The following NRCAM variants were observed in gnomAD, a reference collection of about 807,000 sequenced individuals.
The protein encoded by NRCAM is NgCAM-related cell adhesion molecule.
NRCAM carries 83 observed loss-of-function variants against 156.5 expected under a neutral mutation model. The observed-to-expected ratio is 0.53, with a 90% CI of 0.44 to 0.64. NRCAM has a LOEUF of 0.64. NRCAM is among the 30% of genes least tolerant of loss of function. NRCAM has a pLI of 0.00. For synonymous variants in NRCAM, 538 were observed against 563.9 expected (o/e 0.95, Z 0.65); for missense variants, 1,417 against 1,597.3 (o/e 0.89, Z 1.92).
chr7:108,160,448 T>C lies in NRCAM; in HGVS notation c.3511A>G (p.Ile1171Val). Residue 1171 changes from isoleucine (I) to valine (V), a missense_variant, in exon 31 of 33, where the codon ATT (isoleucine) becomes GTT (valine). Ile to Val is a conservative substitution (Grantham distance 29). Coordinates refer to ENST00000379028, the MANE Select transcript of NRCAM (RefSeq NM_001037132.4). ...QVDIATQGWF[I>V]GLMCAVALLI... is the part of the protein sequence containing the mutation. ...AGAGCAACAGCACACATCAGACCAA[T>C]GAACCAGCCCTGAGTTGCAATATCC... 2 of 1,613,742 alleles carry C rather than the reference T, an allele frequency of 1.2e-6. No homozygotes were observed. Among genetic ancestry groups the C allele is most frequent in the Non-Finnish European group, 1.7e-6 (2 of 1,179,754 alleles).
At chr7:108,254,310 A>C (rs2096524109) in intron 3 of NRCAM, among the ~76,000 whole-genome samples, 1 of 152,232 alleles carries the variant, frequency 6.6e-6, no homozygotes, top group Admixed American at 6.5e-5. Flanking sequence ...ATTTCATTAG[A>C]GATTTCTCCA....
At chr7:108,353,509 C>T (rs147996439) in intron 2 of NRCAM, among the ~76,000 whole-genome samples, 128 of 151,924 alleles carry the variant, frequency 8.4e-4, no homozygotes, top group African/African-American at 2.9e-3. Context: ...TTTAGAGAGA[C>T]GGGCTCTCAT....
chr7:108,191,643 A>G, intron 18 of NRCAM, 86 bp downstream of exon 18: 1 of 1,430,536 alleles, frequency 7.0e-7, no homozygotes, highest in Non-Finnish European at 9.3e-7. Context: ...ACAAGCAAAT[A>G]TTTGATATTT....
chr7:108,298,028 TC>T (rs2098485701), intron 3 of NRCAM, among the ~76,000 whole-genome samples: 1 of 151,914 alleles, frequency 6.6e-6, no homozygotes, highest in South Asian at 2.1e-4. Flanking sequence ...TGCAGCAGAG[TC>T]AGGACAGGGC....
Position 108,151,657 on chromosome 7 carries a change from T to C in NRCAM, c.3678-1510A>G, listed in dbSNP as rs549988215. 3.9e-5 allele frequency among the ~76,000 whole-genome samples: 6 copies of C among 152,340 alleles called. No individual in the cohort carries two copies. The South Asian group carries it at 1.2e-3, about 32-fold the overall frequency. ...ATTTTCACCACTGCTAATAAACAACTGGAGAGGTATCATCTTGGGGTGGTC... is the reference window on the plus strand; with the variant it reads ...ATTTTCACCACTGCTAATAAACAACCGGAGAGGTATCATCTTGGGGTGGTC... On this transcript the variant is annotated intron_variant, in intron 32 of 32. Coordinates refer to ENST00000379028, the MANE Select transcript of NRCAM (RefSeq NM_001037132.4).
At chr7:108,240,412 C>T (rs1366976753) in intron 3 of NRCAM, among the ~76,000 whole-genome samples, 3 of 152,062 alleles carry the variant, frequency 2.0e-5, no homozygotes, top group South Asian at 4.1e-4. Flanking sequence ...ATGATTTTTC[C>T]ATTTTAAATG....
At chr7:108,349,160 G>A (rs898757948) in intron 2 of NRCAM, among the ~76,000 whole-genome samples, 1 of 152,162 alleles carries the variant, frequency 6.6e-6, no homozygotes, top group African/African-American at 2.4e-5. Flanking sequence ...GGTTTGCCAA[G>A]TTTTAGGTTG....
intron 1 of NRCAM, among the ~76,000 whole-genome samples, chr7:108,411,099 T>C (rs1794837074): frequency 6.6e-6 from 1 of 152,222 alleles, no homozygotes; most frequent in Admixed American, 6.5e-5. Context: ...GAAAGGCCTT[T>C]TTTAATCAGT....
At chr7:108,358,686 C>T (rs1485504136) in intron 2 of NRCAM, among the ~76,000 whole-genome samples, 1 of 152,144 alleles carries the variant, frequency 6.6e-6, no homozygotes, top group Non-Finnish European at 1.5e-5. Context: ...TGCTTCAGCC[C>T]CAGCGTATGC....
intron 3 of NRCAM, among the ~76,000 whole-genome samples, chr7:108,281,001 C>A (rs2097841614): frequency 6.6e-6 from 1 of 152,100 alleles, no homozygotes; most frequent in Non-Finnish European, 1.5e-5. Context: ...ATATGGGTTC[C>A]TTTTGTAAAG....
intron 2 of NRCAM, among the ~76,000 whole-genome samples, chr7:108,320,178 C>CAGT (rs1220889468): frequency 6.6e-6 from 1 of 152,100 alleles, no homozygotes; most frequent in Non-Finnish European, 1.5e-5. Flanking sequence ...GGGCCAGGAA[C>CAGT]AGTAACTCAT....
chr7:108,352,879 C>A (rs1563394336), intron 2 of NRCAM, among the ~76,000 whole-genome samples: 2 of 152,068 alleles, frequency 1.3e-5, no homozygotes, highest in African/African-American at 2.4e-5. Flanking sequence ...TTTAAAAAAA[C>A]CCTAACACTC....
chr7:108,310,760 C>A (rs1337814698), intron 3 of NRCAM, among the ~76,000 whole-genome samples: 1 of 152,106 alleles, frequency 6.6e-6, no homozygotes, highest in Non-Finnish European at 1.5e-5. Flanking sequence ...TTAGTTTTGA[C>A]AAGATTCAAC....
chr7:108,225,430 T>A (rs940288411), intron 10 of NRCAM, among the ~76,000 whole-genome samples: 1 of 152,138 alleles, frequency 6.6e-6, no homozygotes, highest in Non-Finnish European at 1.5e-5. Flanking sequence ...TTACAACAGG[T>A]TTCATTATTA....
At chr7:108,289,738 T>A (rs1433594413) in intron 3 of NRCAM, among the ~76,000 whole-genome samples, 1 of 152,112 alleles carries the variant, frequency 6.6e-6, no homozygotes, top group Non-Finnish European at 1.5e-5. Flanking sequence ...AGAAAATTAT[T>A]CTAACCCACT....
At chr7:108,186,404 T>C (rs2066825805) in intron 20 of NRCAM, among the ~76,000 whole-genome samples, 1 of 152,170 alleles carries the variant, frequency 6.6e-6, no homozygotes, top group Non-Finnish European at 1.5e-5. Context: ...CTCCAATTGA[T>C]AGTGACAGCC....
intron 1 of NRCAM, among the ~76,000 whole-genome samples, chr7:108,404,439 T>C (rs1483940343): frequency 6.6e-6 from 1 of 152,198 alleles, no homozygotes; most frequent in Admixed American, 6.5e-5. Flanking sequence ...GGTAATCTCA[T>C]TTAATACTGA....
At chr7:108,263,178 A>G (rs1048967261) in intron 3 of NRCAM, among the ~76,000 whole-genome samples, 1 of 152,206 alleles carries the variant, frequency 6.6e-6, no homozygotes, top group African/African-American at 2.4e-5. Flanking sequence ...ATTTCATCTC[A>G]GTCTCTAGAT....
intron 2 of NRCAM, among the ~76,000 whole-genome samples, chr7:108,386,586 T>C (rs771499739): frequency 1.1e-4 from 16 of 152,142 alleles, no homozygotes; most frequent in Non-Finnish European, 1.9e-4. Flanking sequence ...TAATTTATTT[T>C]CACATAGAAT....
Sources: gnomAD v4.1 joint callset for allele counts (sites outside exome capture counted in the v4.1 genomes callset) on GRCh38, gnomAD v4.1.1 for gene constraint, MANE v1.5 for transcripts, NCBI Gene and HGNC (gene_info 2026-07-23, HGNC 2026-07-21) for gene names.